The following ACSS3 variants were observed in gnomAD, a reference collection of about 807,000 sequenced individuals.
The protein encoded by ACSS3 is acyl-CoA synthetase short chain family member 3.
In ACSS3, 64 loss-of-function variants were observed where a neutral mutation model predicts 84.2. The observed-to-expected ratio is 0.76, with a 90% CI of 0.62 to 0.94. The LOEUF (loss-of-function observed/expected upper bound fraction) is 0.94, where lower values mean the gene tolerates loss of function less well. Among genes scored for constraint, ACSS3 ranks in the 40% least tolerant of loss-of-function variants. The probability of loss-of-function intolerance (pLI) is 0.00; values close to 1 mark genes in which losing one functional copy is unlikely to be tolerated. For missense variants in ACSS3, 815 were observed against 867.6 expected (o/e 0.94, Z 0.76); for synonymous variants, 317 against 310.1 (o/e 1.02, Z -0.23).
intron 9 of ACSS3, among the ~76,000 whole-genome samples, chr12:81,214,182 C>T (rs921601461): frequency 1.1e-4 from 16 of 151,608 alleles, no homozygotes; most frequent in Non-Finnish European, 1.9e-4. Context: ...GGTACCACCA[C>T]GCCTGGCTAA....
intron 2 of ACSS3, among the ~76,000 whole-genome samples, chr12:81,114,883 G>A (rs952467737): frequency 6.6e-6 from 1 of 152,172 alleles, no homozygotes; most frequent in Admixed American, 6.5e-5. Flanking sequence ...AATATTTCCA[G>A]GCCCCCAGAA....
Position 81,258,824 on chromosome 12 carries a change from G to C in ACSS3, c.*3902G>C, listed in dbSNP as rs1377082745. The C allele has an allele frequency of 1.3e-5, 2 of 151,782 alleles. No individual in the cohort carries two copies. The highest frequency in any genetic ancestry group is 2.9e-5 in the Non-Finnish European group (2 of 67,986). 9.4% of individuals were successfully genotyped at this position (151,782 alleles called of 1,614,324 possible). A position where few individuals can be genotyped will look rare whatever the true frequency, so the allele number is the denominator to read the frequency against. ...TACTGGCTGGCATTTCAAGATATTT[G>C]AATGAACATGTGGTTCTTAGTAAAG... On this transcript the variant is annotated 3_prime_UTR_variant, in exon 16 of 16. Transcript: ENST00000548058.
At chr12:81,162,219 C>T (rs866329945) in intron 7 of ACSS3, among the ~76,000 whole-genome samples, 9 of 152,188 alleles carry the variant, frequency 5.9e-5, no homozygotes, top group African/African-American at 1.7e-4. Context: ...AGCAACAGTA[C>T]GGTCTCTGAA....
rs1471113164 is a variant in ACSS3 at position 81,139,155 on chromosome 12, T to C, written c.670T>C (p.Phe224Leu). 1.2e-6 allele frequency: 2 copies of C among 1,613,616 alleles called. No homozygotes were observed. The highest frequency in any genetic ancestry group is 1.3e-5 in the African/African-American group (1 of 74,928). Reference protein sequence around the residue: ...VKPKVVVTASFGIEPGRRVEY... With the variant: ...VKPKVVVTASLGIEPGRRVEY... ...GCCCAAGGTGGTTGTTACAGCATCATTTGGCATTGAACCTGGAAGGAGGGT... is the reference window on the plus strand; with the variant it reads ...GCCCAAGGTGGTTGTTACAGCATCACTTGGCATTGAACCTGGAAGGAGGGT... The change falls in exon 4 of 16, where the codon TTT (phenylalanine) becomes CTT (leucine). Residue 224 changes from phenylalanine to leucine, a missense_variant. By Grantham distance (22) the Phe-to-Leu change is conservative. Coordinates refer to ENST00000548058, the MANE Select transcript of ACSS3 (RefSeq NM_024560.4).
intron 11 of ACSS3, among the ~76,000 whole-genome samples, chr12:81,220,322 A>G (rs1470317654): frequency 6.6e-6 from 1 of 152,004 alleles, no homozygotes; most frequent in African/African-American, 2.4e-5. Flanking sequence ...TTTTCATTTT[A>G]CAGGTTATGT....
In ACSS3 at chr12:81,231,038, T is replaced by C. The variant is rs752543362; in HGVS notation, c.1515-19T>C. On this transcript the variant is annotated intron_variant, in intron 11 of 15. Transcript: ENST00000548058. Reference sequence around the variant, plus strand: ...TTACCACTTTCATCATAATTTTAACTTCTCTGTTTTTATATAAGGTTACCA... The same window carrying C: ...TTACCACTTTCATCATAATTTTAACCTCTCTGTTTTTATATAAGGTTACCA... The C allele has an allele frequency of 1.9e-6, 3 of 1,581,868 alleles. No homozygotes were observed. Among genetic ancestry groups the C allele is most frequent in the African/African-American group, 1.4e-5 (1 of 73,714 alleles).
intron 7 of ACSS3, among the ~76,000 whole-genome samples, chr12:81,168,009 G>A (rs1231815865): frequency 1.3e-5 from 2 of 152,176 alleles, no homozygotes; most frequent in Non-Finnish European, 2.9e-5. Flanking sequence ...TCTGAACCAT[G>A]TGACATTGCT....
chr12:81,096,521 A>G (rs1177349757), intron 1 of ACSS3, among the ~76,000 whole-genome samples: 1 of 152,106 alleles, frequency 6.6e-6, no homozygotes. Flanking sequence ...TGCACAGAAA[A>G]TGCAGGCTTG....
intron 1 of ACSS3, among the ~76,000 whole-genome samples, chr12:81,084,509 C>T (rs78333610): frequency 0.034 from 5,123 of 151,690 alleles, 117 homozygotes; most frequent in Middle Eastern, 0.044. Flanking sequence ...ATTAAAGTTA[C>T]GAGGCTGAAA....
intron 7 of ACSS3, among the ~76,000 whole-genome samples, chr12:81,168,133 T>G (rs1887490031): frequency 6.6e-6 from 1 of 152,174 alleles, no homozygotes; most frequent in South Asian, 2.1e-4. Context: ...TTGTTGGTTC[T>G]TTGAGAATAT....
intron 1 of ACSS3, among the ~76,000 whole-genome samples, chr12:81,094,008 T>C (rs929885717): frequency 6.6e-6 from 1 of 152,210 alleles, no homozygotes; most frequent in African/African-American, 2.4e-5. Flanking sequence ...TTTTAATGTA[T>C]ACAGAATATT....
At chr12:81,209,291 A>C (rs2032487483) in intron 9 of ACSS3, among the ~76,000 whole-genome samples, 1 of 152,078 alleles carries the variant, frequency 6.6e-6, no homozygotes. Flanking sequence ...GTTTTTTGTT[A>C]ACTACATGCA....
chr12:81,251,246 G>A (rs908703816), intron 13 of ACSS3, among the ~76,000 whole-genome samples: 2 of 152,260 alleles, frequency 1.3e-5, no homozygotes, highest in East Asian at 3.9e-4. Context: ...AATGAGCAGA[G>A]CACAGGGAGT....
At chr12:81,196,739 A>G (rs1403223614) in intron 8 of ACSS3, among the ~76,000 whole-genome samples, 1 of 152,096 alleles carries the variant, frequency 6.6e-6, no homozygotes, top group Non-Finnish European at 1.5e-5. Context: ...TGGAAGGCTC[A>G]AGGAGAGCAG....
At chr12:81,142,999 G>T (rs1313208367) in intron 4 of ACSS3, 108 bp from the exon 5 acceptor site, 2 of 1,059,338 alleles carry the variant, frequency 1.9e-6, no homozygotes, top group Non-Finnish European at 2.5e-6. Flanking sequence ...TGCCATATAG[G>T]CCTAGATTTT....
At chr12:81,092,102 A>G (rs898006858) in intron 1 of ACSS3, among the ~76,000 whole-genome samples, 6 of 152,144 alleles carry the variant, frequency 3.9e-5, no homozygotes, top group Admixed American at 2.6e-4. Flanking sequence ...ATACATACAC[A>G]TATATGTTTG....
At chr12:81,144,964 G>A (rs1437537715) in intron 5 of ACSS3, among the ~76,000 whole-genome samples, 1 of 142,666 alleles carries the variant, frequency 7.0e-6, no homozygotes, top group Non-Finnish European at 1.5e-5. Flanking sequence ...GCAGTGGCGC[G>A]ATCTCGGCTC....
At chr12:81,129,880 G>T (rs988995790) in intron 2 of ACSS3, among the ~76,000 whole-genome samples, 15 of 150,358 alleles carry the variant, frequency 1.0e-4, no homozygotes, top group African/African-American at 3.7e-4. Context: ...GTGGTGTTTG[G>T]TTTTCTGTCC....
intron 8 of ACSS3, among the ~76,000 whole-genome samples, chr12:81,186,719 A>G (rs1224783484): frequency 6.6e-6 from 1 of 151,832 alleles, no homozygotes; most frequent in Non-Finnish European, 1.5e-5. Flanking sequence ...AAATGTTGAC[A>G]AATGTGTAGA....
Sources: gnomAD v4.1 joint callset for allele counts (sites outside exome capture counted in the v4.1 genomes callset) on GRCh38, gnomAD v4.1.1 for gene constraint, MANE v1.5 for transcripts, NCBI Gene and HGNC (gene_info 2026-07-23, HGNC 2026-07-21) for gene names.